GRM3: variants seen among roughly 807,000 people sequenced by gnomAD.
GRM3 encodes metabotropic glutamate receptor 3.
GRM3 carries 26 observed loss-of-function variants against 70.5 expected under a neutral mutation model. That is an observed-to-expected ratio of 0.37 (90% CI 0.27 to 0.51). The LOEUF is 0.51. Among genes scored for constraint, GRM3 ranks in the 20% least tolerant of loss-of-function variants. The probability of loss-of-function intolerance (pLI) is 0.93; values close to 1 mark genes in which losing one functional copy is unlikely to be tolerated. For missense variants in GRM3, 859 were observed against 1,123.8 expected (o/e 0.76, Z 3.37); for synonymous variants, 443 against 434.9 (o/e 1.02, Z -0.23).
intron 3 of GRM3, among the ~76,000 whole-genome samples, chr7:86,806,689 G>A (rs957415035): frequency 3.3e-5 from 5 of 152,150 alleles, no homozygotes; most frequent in Non-Finnish European, 4.4e-5. Flanking sequence ...CTCCCATTCT[G>A]TAGGTTGCCT....
chr7:86,687,937 G>T (rs746875817), intron 1 of GRM3, among the ~76,000 whole-genome samples: 2 of 151,650 alleles, frequency 1.3e-5, no homozygotes, highest in African/African-American at 4.8e-5. Context: ...ATGTCATAAT[G>T]TAATGAATAA....
chr7:86,738,259 G>A (rs138403250), intron 1 of GRM3, among the ~76,000 whole-genome samples: 1 of 152,314 alleles, frequency 6.6e-6, no homozygotes, highest in African/African-American at 2.4e-5. Flanking sequence ...AGAAAATGGA[G>A]CTAGACTGGA....
At chr7:86,688,074 AT>A (rs1004020731) in intron 1 of GRM3, among the ~76,000 whole-genome samples, 1 of 151,742 alleles carries the variant, frequency 6.6e-6, no homozygotes, top group African/African-American at 2.4e-5. Flanking sequence ...AATAAAAAAA[AT>A]CTGCATTTCA....
intron 1 of GRM3, among the ~76,000 whole-genome samples, chr7:86,704,180 G>C (rs1483002423): frequency 6.6e-6 from 1 of 151,840 alleles, no homozygotes; most frequent in East Asian, 1.9e-4. Context: ...AAAAGTACTA[G>C]CGTTTTTCTC....
intron 1 of GRM3, among the ~76,000 whole-genome samples, chr7:86,732,981 AAC>A (rs1472443494): frequency 6.6e-6 from 1 of 152,000 alleles, no homozygotes; most frequent in Non-Finnish European, 1.5e-5. Context: ...GCTATATATA[AAC>A]AGAGACACTG....
chr7:86,797,813 G>A (rs984591351), intron 3 of GRM3, among the ~76,000 whole-genome samples: 1 of 152,016 alleles, frequency 6.6e-6, no homozygotes, highest in African/African-American at 2.4e-5. Context: ...AACTCAGAAG[G>A]CCTAGGAGAT....
At position 86,813,640 on chromosome 7, in the gene GRM3, C is replaced by CACAGATCTGTTAA. The variant is rs1254938461; in HGVS notation, c.1325-25193_1325-25192insCTGTTAAACAGAT. Among the ~76,000 whole-genome samples the CACAGATCTGTTAA allele has an allele frequency of 3.3e-5, 5 of 151,848 alleles. No individual in the cohort carries two copies. The East Asian group carries it at 9.7e-4, about 29-fold the overall frequency. On this transcript the variant is annotated intron_variant, in intron 3 of 5. Transcript: ENST00000361669. ...TTTACAGGAAAAATGTATAATACTA[C>CACAGATCTGTTAA]ACAGATGTGTTGTTTAACAGGCCAC...
intron 3 of GRM3, among the ~76,000 whole-genome samples, chr7:86,792,942 G>C (rs1797455915): frequency 6.7e-6 from 1 of 149,696 alleles, no homozygotes; most frequent in Non-Finnish European, 1.5e-5. Context: ...GGACTGAATA[G>C]TATGTACAGC....
At chr7:86,808,273 G>A (rs1797837442) in intron 3 of GRM3, among the ~76,000 whole-genome samples, 1 of 152,024 alleles carries the variant, frequency 6.6e-6, no homozygotes, top group African/African-American at 2.4e-5. Context: ...AATGAGTTAG[G>A]GAGGATTCCC....
intron 1 of GRM3, among the ~76,000 whole-genome samples, chr7:86,649,589 A>T (rs185410825): frequency 7.0e-4 from 107 of 152,238 alleles, no homozygotes; most frequent in African/African-American, 2.5e-3. Flanking sequence ...TGACTGTATA[A>T]CTACACACAC....
At chr7:86,721,536 T>C (rs1048631383) in intron 1 of GRM3, among the ~76,000 whole-genome samples, 1 of 152,074 alleles carries the variant, frequency 6.6e-6, no homozygotes, top group Non-Finnish European at 1.5e-5. Flanking sequence ...GAAATTCAGA[T>C]CTTAGGCCAC....
intron 3 of GRM3, among the ~76,000 whole-genome samples, chr7:86,796,141 C>A (rs1797544287): frequency 6.6e-6 from 1 of 152,098 alleles, no homozygotes; most frequent in Admixed American, 6.5e-5. Flanking sequence ...TTTGCTCATG[C>A]CTATGTCCTG....
At chr7:86,761,581 C>T (rs1211008916) in intron 1 of GRM3, among the ~76,000 whole-genome samples, 1 of 152,094 alleles carries the variant, frequency 6.6e-6, no homozygotes, top group Non-Finnish European at 1.5e-5. Context: ...CATGTGCAAA[C>T]ATAGATATCA....
At position 86,765,111 on chromosome 7, in the gene GRM3, C is replaced by A; in HGVS notation, c.-35C>A. 1 of 1,529,676 alleles carries A rather than the reference C, an allele frequency of 6.5e-7. No individual in the cohort carries two copies. The highest frequency in any genetic ancestry group is 1.3e-5 in the South Asian group (1 of 75,014). 94.8% of individuals were successfully genotyped at this position (1,529,676 alleles called of 1,614,324 possible). A position where few individuals can be genotyped will look rare whatever the true frequency, so the allele number is the denominator to read the frequency against. On this transcript the variant is annotated 5_prime_UTR_variant, in exon 2 of 6. Coordinates refer to ENST00000361669, the MANE Select transcript of GRM3 (RefSeq NM_000840.3). ...GACTAGCATGACACATTGGCTCCAC[C>A]ATTGATATCTCCCAGAGGTACAGAA...
rs1262646069 is a variant in GRM3, at chr7:86,757,471, G to GT, written c.-140-7531dup. Among the ~76,000 whole-genome samples the GT allele has an allele frequency of 4.6e-5, 7 of 152,270 alleles. No homozygotes were observed. The East Asian group carries it at 1.4e-3, about 29-fold the overall frequency. ...ATAGAGTACAGCCAGTCTTTCTAAG[G>GT]TTTTAATAAAAAGCACAAAGTGCCT... On this transcript the variant is annotated intron_variant, in intron 1 of 5. Coordinates refer to ENST00000361669, the MANE Select transcript of GRM3 (RefSeq NM_000840.3).
At chr7:86,834,838 T>C (rs993878278) in intron 3 of GRM3, among the ~76,000 whole-genome samples, 2 of 152,080 alleles carry the variant, frequency 1.3e-5, no homozygotes, top group African/African-American at 4.8e-5. Context: ...CTGAGGGTTC[T>C]TATTCTTACA....
At chr7:86,764,650 C>T (rs1796556491) in intron 1 of GRM3, among the ~76,000 whole-genome samples, 1 of 151,756 alleles carries the variant, frequency 6.6e-6, no homozygotes, top group African/African-American at 2.4e-5. Context: ...GCTGCCCTAA[C>T]AAAAACAAAG....
chr7:86,698,798 G>A (rs1465450485), intron 1 of GRM3, among the ~76,000 whole-genome samples: 1 of 152,040 alleles, frequency 6.6e-6, no homozygotes, highest in African/African-American at 2.4e-5. Context: ...CATAGCAGCA[G>A]TAGCTGCCTC....
At chr7:86,646,968 T>A (rs1793489676) in intron 1 of GRM3, among the ~76,000 whole-genome samples, 1 of 152,224 alleles carries the variant, frequency 6.6e-6, no homozygotes, top group Admixed American at 6.5e-5. Context: ...AATGATGAGC[T>A]CATCTTTAAT....
Sources: gnomAD v4.1 joint callset for allele counts (sites outside exome capture counted in the v4.1 genomes callset) on GRCh38, gnomAD v4.1.1 for gene constraint, MANE v1.5 for transcripts, NCBI Gene and HGNC (gene_info 2026-07-23, HGNC 2026-07-21) for gene names.